FYCO1: variants seen among roughly 807,000 people sequenced by gnomAD.
The protein encoded by FYCO1 is FYVE and coiled-coil domain-containing protein 1.
In FYCO1, 122 loss-of-function variants were observed where a neutral mutation model predicts 165.1. The ratio of observed to expected loss-of-function variants is 0.74; its 90% CI spans 0.64 to 0.86. FYCO1 has a LOEUF of 0.86. Ranked by LOEUF, FYCO1 falls within the 40% of genes least tolerant of loss-of-function variation. The pLI is 0.00. For missense variants in FYCO1, 1,702 were observed against 1,810.3 expected (o/e 0.94, Z 1.09); for synonymous variants, 648 against 742.5 (o/e 0.87, Z 2.07).
chr3:45,956,026 A>G (rs1298039246), intron 13 of FYCO1, among the ~76,000 whole-genome samples: 1 of 152,154 alleles, frequency 6.6e-6, no homozygotes, highest in East Asian at 1.9e-4. Context: ...AAAATGTGAG[A>G]GCAGGTTTGA....
intron 2 of FYCO1, among the ~76,000 whole-genome samples, chr3:45,981,911 C>T (rs1342410169): frequency 6.6e-6 from 1 of 152,130 alleles, no homozygotes; most frequent in Admixed American, 6.5e-5. Flanking sequence ...TCTTGTTCAC[C>T]CTTGTCTGTC....
intron 1 of FYCO1, among the ~76,000 whole-genome samples, chr3:45,987,988 T>C (rs1420420244): frequency 6.6e-6 from 1 of 152,224 alleles, no homozygotes; most frequent in Non-Finnish European, 1.5e-5. Flanking sequence ...GGAGACCTTC[T>C]CTGTCTGACC....
intron 3 of FYCO1, 92 bp from the exon 4 acceptor site, chr3:45,979,922 G>A: frequency 6.7e-7 from 1 of 1,499,486 alleles, no homozygotes; most frequent in Non-Finnish European, 9.3e-7. Flanking sequence ...AGCTTCTTAG[G>A]TGCCAGCACT....
At chr3:45,965,186 A>C in intron 8 of FYCO1, 61 bp from the exon 9 acceptor site, 1 of 1,314,986 alleles carries the variant, frequency 7.6e-7, no homozygotes, top group Non-Finnish European at 1.1e-6. Context: ...AGGATCCCTC[A>C]GCCCCCTCAC....
At chr3:45,992,613 C>T (rs1707612751) in intron 1 of FYCO1, among the ~76,000 whole-genome samples, 1 of 152,176 alleles carries the variant, frequency 6.6e-6, no homozygotes, top group African/African-American at 2.4e-5. Context: ...TTGACCTCTT[C>T]CTACCTTTCT....
intron 16 of FYCO1, 76 bp downstream of exon 16, chr3:45,930,995 C>G (rs1703577663): frequency 7.3e-7 from 1 of 1,377,722 alleles, no homozygotes; most frequent in African/African-American, 1.4e-5. Context: ...ATGGCCACTG[C>G]CCTGCTTTGA....
At chr3:45,930,972 A>G in intron 16 of FYCO1, 99 bp downstream of exon 16, 1 of 1,086,942 alleles carries the variant, frequency 9.2e-7, no homozygotes, top group Non-Finnish European at 1.4e-6. Context: ...AGGCCTGCCC[A>G]GCAGAGGATA....
chr3:45,946,075 C>T (rs1704580478), intron 14 of FYCO1: 1 of 177,620 alleles, frequency 5.6e-6, no homozygotes, highest in Admixed American at 5.4e-5. Flanking sequence ...CATTGATGAG[C>T]TCATATTATC....
intron 4 of FYCO1, among the ~76,000 whole-genome samples, chr3:45,978,858 G>GT (rs35365813): frequency 0.38 from 53,731 of 139,620 alleles, 11,690 homozygotes; most frequent in East Asian, 0.66. Flanking sequence ...TTGTTCTGGA[G>GT]TTTTTTTTTT....
intron 2 of FYCO1, among the ~76,000 whole-genome samples, chr3:45,982,925 TCCTCCTCCACCCTCCTG>T (rs1317486871): frequency 6.6e-6 from 1 of 152,132 alleles, no homozygotes; most frequent in African/African-American, 2.4e-5. Context: ...CAAAGAGCCT[TCCTCCTCCACCCTCCTG>T]CCTCCTCAGG....
intron 14 of FYCO1, among the ~76,000 whole-genome samples, chr3:45,954,944 C>T (rs1422141005): frequency 1.3e-5 from 2 of 152,196 alleles, no homozygotes; most frequent in African/African-American, 4.8e-5. Flanking sequence ...ATTTAAGCCA[C>T]CCGGTCTGCG....
At chr3:45,985,110 G>T in intron 1 of FYCO1, 88 bp from the exon 2 acceptor site, 1 of 676,244 alleles carries the variant, frequency 1.5e-6, no homozygotes. Context: ...GGGCACAAAG[G>T]TCACCCTATC....
Position 45,967,594 on chromosome 3 carries a change from A to G in FYCO1, c.1740T>C (p.Ser580=). The change falls in exon 8 of 18, where the codon AGT becomes AGC. Residue 580 remains serine, a synonymous_variant. Transcript: ENST00000296137. ...CTGGCTTCCCCCAGGCCTCTTGCAG[A>G]CTGGAGTTCACAGGGACCAGGGCCT... ...KNEALVPVNS[S]LQEAWGKPEE... is the part of the protein sequence containing the mutation. 1 of 1,613,900 alleles carries G rather than the reference A, an allele frequency of 6.2e-7. No homozygotes were observed. Among genetic ancestry groups the G allele is most frequent in the Non-Finnish European group, 8.5e-7 (1 of 1,179,976 alleles).
Position 45,922,664 on chromosome 3 carries a change from G to A in FYCO1, c.4362-824C>T, listed in dbSNP as rs922712851. ...ATTTCCACTTGGGAGTGTACGGAGG[G>A]GCAGGAGGGGGTGAGGTGGGAAGTT... is the stretch of plus-strand genomic sequence containing the variant. On this transcript the variant is annotated intron_variant, in intron 17 of 17. Transcript: ENST00000296137. Among the ~76,000 whole-genome samples the A allele has an allele frequency of 3.3e-5, 5 of 152,148 alleles. No homozygotes were observed. In the South Asian group the frequency reaches 1.0e-3, roughly 31 times the overall value.
At chr3:45,953,353 T>C (rs73830666) in intron 14 of FYCO1, among the ~76,000 whole-genome samples, 2,109 of 152,280 alleles carry the variant, frequency 0.014, 54 homozygotes, top group African/African-American at 0.048. Context: ...GGGACCCACA[T>C]AAATTCTTTC....
intron 15 of FYCO1, among the ~76,000 whole-genome samples, chr3:45,931,906 T>C (rs987738349): frequency 2.0e-5 from 3 of 152,224 alleles, no homozygotes; most frequent in Admixed American, 6.5e-5. Context: ...AAGCTTGTTC[T>C]TACTCTCCCT....
chr3:45,936,612 G>A lies in FYCO1; in HGVS notation c.3945-69C>T, dbSNP rs535850389. Reference sequence around the variant, plus strand: ...CACAGGGTCTCACATCCTGGGGTCCGCAGTCTTGGAGTCACAGGCAGCCAA... The same window carrying A: ...CACAGGGTCTCACATCCTGGGGTCCACAGTCTTGGAGTCACAGGCAGCCAA... On this transcript the variant is annotated intron_variant, in intron 14 of 17. Coordinates refer to ENST00000296137, the MANE Select transcript of FYCO1 (RefSeq NM_024513.4). 9.5e-5 allele frequency: 109 copies of A among 1,143,358 alleles called. No individual in the cohort carries two copies. The Middle Eastern group carries it at 9.8e-4, about 10-fold the overall frequency. 70.8% of individuals were successfully genotyped at this position (1,143,358 alleles called of 1,614,324 possible).
rs1488374 is a variant in FYCO1, at chr3:45,920,350, C to G, written c.*1415G>C. 4 of 152,038 alleles carry G rather than the reference C, an allele frequency of 2.6e-5. No individual in the cohort carries two copies. Among genetic ancestry groups the G allele is most frequent in the Non-Finnish European group, 5.9e-5 (4 of 68,036 alleles). The allele number at this position is 152,038 out of a possible 1,614,324, so 9.4% of individuals were successfully genotyped here. On this transcript the variant is annotated 3_prime_UTR_variant, in exon 18 of 18. Transcript: ENST00000296137. The stretch of plus-strand genomic sequence containing the variant: ...TAGGTCACAAGGGTAGCTGGAGGAA[C>G]TGCCGGGCCCAGCTCTCAGATTCTC...
chr3:45,972,536 C>T (rs1421576863), intron 6 of FYCO1, among the ~76,000 whole-genome samples: 1 of 152,188 alleles, frequency 6.6e-6, no homozygotes, highest in Non-Finnish European at 1.5e-5. Flanking sequence ...TTTGTCAAGT[C>T]CCCTGATCCT....
Sources: gnomAD v4.1 joint callset for allele counts (sites outside exome capture counted in the v4.1 genomes callset) on GRCh38, gnomAD v4.1.1 for gene constraint, MANE v1.5 for transcripts, NCBI Gene and HGNC (gene_info 2026-07-23, HGNC 2026-07-21) for gene names.